DNAH3: variants seen among roughly 807,000 people sequenced by gnomAD.
DNAH3 encodes dynein axonemal heavy chain 3, also known as axonemal beta dynein heavy chain 3.
Under a neutral mutation model 432.5 loss-of-function variants are expected in DNAH3, and 332 were observed. The observed-to-expected ratio is 0.77, with a 90% CI of 0.70 to 0.84. The LOEUF (loss-of-function observed/expected upper bound fraction) is 0.84. Among genes scored for constraint, DNAH3 ranks in the 40% least tolerant of loss-of-function variants. The pLI, the probability that DNAH3 is intolerant of heterozygous loss-of-function variation, is 0.00. For missense variants in DNAH3, 4,861 were observed against 5,114.0 expected, an observed-to-expected ratio of 0.95 and a Z score of 1.51; for synonymous variants, 1,956 against 1,900.2, an observed-to-expected ratio of 1.03 and a Z score of -0.76.
exon 54 of DNAH3, chr16:20,959,359 G>A (rs765703183): frequency 5.6e-6 from 9 of 1,614,182 alleles, no homozygotes; most frequent in South Asian, 2.2e-5. Flanking sequence ...GATGGTCTGT[G>A]TTCTGGTACC....
intron 52 of DNAH3, 120 bp downstream of exon 52, chr16:20,969,672 C>A: frequency 8.7e-7 from 1 of 1,155,654 alleles, no homozygotes; most frequent in South Asian, 1.3e-5. Context: ...TTTCTTAATT[C>A]CTCCAAACTC....
At chr16:21,012,706 G>C (rs2152703396) in intron 41 of DNAH3, among the ~76,000 whole-genome samples, 1 of 152,232 alleles carries the variant, frequency 6.6e-6, no homozygotes, top group East Asian at 1.9e-4. Flanking sequence ...ATTTTCTTAA[G>C]CTCACGTGAA....
rs759674489 is a variant in DNAH3, at chr16:21,000,215, A to G, written c.6421+9T>C. 3.7e-6 allele frequency: 6 copies of G among 1,611,226 alleles called. No homozygotes were observed. Among genetic ancestry groups the G allele is most frequent in the Non-Finnish European group, 4.2e-6 (5 of 1,178,164 alleles). On this transcript the variant is annotated intron_variant, in intron 43 of 61. Transcript: ENST00000261383. ...TCTGGTTGTGTCCAGACCCAGCCCA[A>G]TGCCTTACCCACAAACACCACTGCT...
In DNAH3 at chr16:20,987,911, C is replaced by T. The variant is rs1479028688; in HGVS notation, c.6725+31G>A. 4 of 1,613,994 alleles carry T rather than the reference C, an allele frequency of 2.5e-6. No individual in the cohort carries two copies. The Admixed American group carries it at 6.7e-5, about 27-fold the overall frequency. On this transcript the variant is annotated intron_variant, in intron 45 of 61. Coordinates refer to ENST00000261383, the Ensembl canonical transcript of DNAH3. ...GGCCAGAAACTGAGAACCCCCAGCC[C>T]ACTATCCAGGAAGACAGAGAAACCT...
intron 53 of DNAH3, among the ~76,000 whole-genome samples, chr16:20,959,983 G>T (rs1460204260): frequency 6.6e-6 from 1 of 151,830 alleles, no homozygotes; most frequent in East Asian, 1.9e-4. Flanking sequence ...ATTTTAACAA[G>T]AAATATAAGC....
intron 56 of DNAH3, 122 bp from the exon 57 acceptor site, chr16:20,948,759 A>G: frequency 9.2e-7 from 1 of 1,087,004 alleles, no homozygotes; most frequent in Non-Finnish European, 1.3e-6. Flanking sequence ...TGATAGGGAC[A>G]GCAAGCAGGA....
chr16:20,950,564 T>C (rs2084266930), intron 56 of DNAH3, among the ~76,000 whole-genome samples: 1 of 152,158 alleles, frequency 6.6e-6, no homozygotes, highest in South Asian at 2.1e-4. Flanking sequence ...CTCATAAAAT[T>C]AGCATGAAGA....
chr16:21,099,093 A>G (rs555631381), intron 16 of DNAH3, among the ~76,000 whole-genome samples: 8 of 152,346 alleles, frequency 5.3e-5, no homozygotes, highest in African/African-American at 1.9e-4. Flanking sequence ...TTATTCATTC[A>G]GCCATTAGAC....
intron 44 of DNAH3, among the ~76,000 whole-genome samples, chr16:20,988,982 T>C (rs1475034977): frequency 6.6e-6 from 1 of 152,122 alleles, no homozygotes; most frequent in Non-Finnish European, 1.5e-5. Flanking sequence ...AAGAGTGAAG[T>C]TGCAGACTTT....
At chr16:21,031,236 C>T (rs565132081) in exon 37 of DNAH3, 1 of 1,614,098 alleles carries the variant, frequency 6.2e-7, no homozygotes, top group African/African-American at 1.3e-5. Context: ...ATCGTGATAG[C>T]CTTGGGGTTG....
chr16:21,078,958 G>A (rs1042651381), intron 20 of DNAH3, among the ~76,000 whole-genome samples: 1 of 152,178 alleles, frequency 6.6e-6, no homozygotes, highest in Non-Finnish European at 1.5e-5. Flanking sequence ...TAATCACCTA[G>A]CTACTCTCCC....
chr16:21,130,462 G>A (rs561950946), intron 7 of DNAH3, among the ~76,000 whole-genome samples: 4 of 151,946 alleles, frequency 2.6e-5, no homozygotes, highest in South Asian at 2.1e-4. Context: ...ACACCATCAC[G>A]CCTGGCTAAT....
chr16:20,979,362 C>A (rs1393591738), exon 50 of DNAH3: 1 of 1,614,126 alleles, frequency 6.2e-7, no homozygotes, highest in South Asian at 1.1e-5. Flanking sequence ...TTCTGCAAGC[C>A]TGTCAGGTAG....
Position 21,049,580 on chromosome 16 carries a change from T to C in DNAH3, c.4450A>G (p.Asn1484Asp), listed in dbSNP as rs200589558. The C allele has an allele frequency of 9.4e-5, 151 of 1,613,942 alleles. 2 individuals are homozygous for C. Among genetic ancestry groups the C allele is most frequent in the Middle Eastern group, 1.6e-4 (1 of 6,080 alleles). Reference sequence around the variant, plus strand: ...AGAGGCAGAGTTACCTCGATCCTGTTGAACTCATCAAAGCACGCCCATGCT... The same window carrying C: ...AGAGGCAGAGTTACCTCGATCCTGTCGAACTCATCAAAGCACGCCCATGCT... The change falls in exon 31 of 62, where the codon AAC becomes GAC. Residue 1484 changes from asparagine to aspartate, a missense_variant. By Grantham distance (23) the Asn-to-Asp change is conservative. Transcript: ENST00000261383.
rs1483044158 is a variant in DNAH3 at position 20,940,286 on chromosome 16, CCCCTGG to C, written c.11654+1109_11654+1114del. Among the ~76,000 whole-genome samples the C allele has an allele frequency of 2.0e-5, 3 of 151,934 alleles. No individual in the cohort carries two copies. The East Asian group carries it at 5.8e-4, about 29-fold the overall frequency. On this transcript the variant is annotated intron_variant, in intron 59 of 61. Transcript: ENST00000261383. ...CCATATTGCCCAGGCTGGTCTTAAA[CCCCTGG>C]GTTCAAGCAATCCTCCCGGCTTGCC... is the stretch of plus-strand genomic sequence containing the variant.
intron 18 of DNAH3, among the ~76,000 whole-genome samples, chr16:21,094,448 A>G (rs1295942797): frequency 6.6e-6 from 1 of 152,166 alleles, no homozygotes; most frequent in African/African-American, 2.4e-5. Context: ...AGGCAGGTGG[A>G]TCACCTGAGG....
chr16:20,948,174 C>A (rs533535896), intron 57 of DNAH3, among the ~76,000 whole-genome samples: 2 of 152,256 alleles, frequency 1.3e-5, no homozygotes, highest in African/African-American at 4.8e-5. Flanking sequence ...TCTGAATCTT[C>A]GTCTTCAAGT....
chr16:21,130,843 G>C (rs1361568384), intron 7 of DNAH3, among the ~76,000 whole-genome samples: 1 of 151,902 alleles, frequency 6.6e-6, no homozygotes, highest in Non-Finnish European at 1.5e-5. Flanking sequence ...TGAAGTTTCT[G>C]GCTATTCATC....
intron 18 of DNAH3, among the ~76,000 whole-genome samples, chr16:21,090,537 CA>C (rs1224090370): frequency 1.3e-5 from 2 of 152,112 alleles, no homozygotes; most frequent in Non-Finnish European, 2.9e-5. Flanking sequence ...ATTTGAAAAT[CA>C]AACAATATAA....
Sources: gnomAD v4.1 joint callset for allele counts (sites outside exome capture counted in the v4.1 genomes callset) on GRCh38, gnomAD v4.1.1 for gene constraint, MANE v1.5 for transcripts, NCBI Gene and HGNC (gene_info 2026-07-23, HGNC 2026-07-21) for gene names.